Variants in L3MBTL2 observed in about 807,000 individuals in gnomAD.
L3MBTL2 encodes L3MBTL histone methyl-lysine binding protein 2, also known as lethal(3)malignant brain tumor-like protein 2.
Under a neutral mutation model 86.4 loss-of-function variants are expected in L3MBTL2, and 49 were observed. The observed-to-expected ratio is 0.57, with a 90% CI of 0.45 to 0.72. The LOEUF is 0.72. Ranked by LOEUF, L3MBTL2 falls within the 30% of genes least tolerant of loss-of-function variation. The probability of loss-of-function intolerance (pLI) is 0.00; values close to 1 mark genes in which losing one functional copy is unlikely to be tolerated. For missense variants in L3MBTL2, 755 were observed against 923.7 expected (o/e 0.82, Z 2.37); for synonymous variants, 336 against 350.6 (o/e 0.96, Z 0.47).
At position 41,210,490 on chromosome 22, in the gene L3MBTL2, C is replaced by T. The variant is rs540308544; in HGVS notation, c.262+557C>T. ...GACTACAGGCGCCCGCCATGACGCC[C>T]GGCTAATTTTTTGTATTTTTAGGAG... On this transcript the variant is annotated intron_variant, in intron 2 of 16. Transcript: ENST00000216237. Among the ~76,000 whole-genome samples the T allele has an allele frequency of 1.8e-4, 27 of 152,276 alleles. 1 individual carries two copies. Among genetic ancestry groups the T allele is most frequent in the Admixed American group, 1.3e-3 (20 of 15,288 alleles).
intron 5 of L3MBTL2, chr22:41,218,135 C>G (rs1352977896): frequency 6.6e-6 from 1 of 152,218 alleles, no homozygotes; most frequent in Non-Finnish European, 1.5e-5. Flanking sequence ...CAACTGTGTC[C>G]GGGTTCTGTG....
At chr22:41,228,049 C>T in intron 15 of L3MBTL2, 180 bp downstream of exon 15, 1 of 985,408 alleles carries the variant, frequency 1.0e-6, no homozygotes, top group Non-Finnish European at 1.2e-6. Context: ...ACGGGCCTTT[C>T]ACCCTGTCTC....
chr22:41,227,826 C>T lies in L3MBTL2; in HGVS notation c.1845C>T (p.Ala615=). The part of the protein sequence containing the change: ...VAAEPATPLK[A]KEATKKKKKQ... ...CAGAACCGGCCACACCGCTGAAGGC[C>T]AAAGAGGCCACAAAGAAGAAAAAGA... Residue 615 remains alanine, a synonymous_variant, in exon 15 of 17, where the codon GCC becomes GCT. Coordinates refer to ENST00000216237, the MANE Select transcript of L3MBTL2 (RefSeq NM_031488.5). The surrounding 1 kb of genome is among the most constrained non-coding windows in gnomAD (Gnocchi z 6.0). 2 of 1,613,174 alleles carry T rather than the reference C, an allele frequency of 1.2e-6. No homozygotes were observed. The highest frequency in any genetic ancestry group is 8.5e-7 in the Non-Finnish European group (1 of 1,179,498).
intron 1 of L3MBTL2, among the ~76,000 whole-genome samples, chr22:41,206,613 A>G (rs1004176522): frequency 1.3e-5 from 2 of 152,064 alleles, no homozygotes; most frequent in African/African-American, 4.8e-5. Flanking sequence ...CCTGGCTAAC[A>G]TGGTGAAACC....
intron 16 of L3MBTL2, 50 bp from the exon 17 acceptor site, chr22:41,230,089 C>CCCCCCCCCCTCCTT: frequency 1.1e-6 from 1 of 873,242 alleles, no homozygotes. Context: ...GCCCCCACCC[C>CCCCCCCCCCTCCTT]TCCCAGAGTT....
At chr22:41,216,297 C>T (rs373234786) in intron 4 of L3MBTL2, 35 bp downstream of exon 4, 16 of 1,599,998 alleles carry the variant, frequency 1.0e-5, no homozygotes, top group Non-Finnish European at 1.2e-5. Context: ...AGGAAGCTGC[C>T]GTGGCTGGGG....
chr22:41,224,502 G>A lies in L3MBTL2; in HGVS notation c.1175-223G>A, dbSNP rs954835063. Among the ~76,000 whole-genome samples the A allele has an allele frequency of 6.6e-6, 1 of 152,212 alleles. No homozygotes were observed. The highest frequency in any genetic ancestry group is 2.4e-5 in the African/African-American group (1 of 41,450). The stretch of plus-strand genomic sequence containing the variant: ...CCTCTCCCCTGTCAATGCGGGAGCA[G>A]TCTGGGTTTCGAGGGCTGAAGAGTC... On this transcript the variant is annotated intron_variant, in intron 9 of 16. Coordinates refer to ENST00000216237, the MANE Select transcript of L3MBTL2 (RefSeq NM_031488.5). This position sits in a 1 kb window ranked among gnomAD's most constrained non-coding sequence, Gnocchi z 4.9.
In L3MBTL2 at chr22:41,227,349, G is replaced by A; in HGVS notation, c.1822+26G>A. On this transcript the variant is annotated intron_variant, in intron 14 of 16. Transcript: ENST00000216237. This position sits in a 1 kb window ranked among gnomAD's most constrained non-coding sequence, Gnocchi z 6.0. ...GTGTGGGCTCTCGTGGCCCTAAGAG[G>A]CTCTGACTTTCTTTCCTCTTCTTTT... is the stretch of plus-strand genomic sequence containing the variant. 3 of 1,552,132 alleles carry A rather than the reference G, an allele frequency of 1.9e-6. No individual in the cohort carries two copies. Among genetic ancestry groups the A allele is most frequent in the Non-Finnish European group, 8.7e-7 (1 of 1,143,416 alleles).
chr22:41,221,119 C>T, intron 7 of L3MBTL2, 80 bp from the exon 8 acceptor site: 1 of 1,330,950 alleles, frequency 7.5e-7, no homozygotes, highest in East Asian at 2.5e-5. Flanking sequence ...GAGGGGTCCC[C>T]ACTCTGGGTC....
At chr22:41,207,621 C>T (rs2030338962) in intron 1 of L3MBTL2, among the ~76,000 whole-genome samples, 1 of 152,114 alleles carries the variant, frequency 6.6e-6, no homozygotes, top group African/African-American at 2.4e-5. Flanking sequence ...AGCGAGTAAG[C>T]ACTAGAGATA....
At position 41,224,313 on chromosome 22, in the gene L3MBTL2, C is replaced by T; in HGVS notation, c.1174+62C>T. The T allele has an allele frequency of 7.5e-7, 1 of 1,337,020 alleles. No individual in the cohort carries two copies. Among genetic ancestry groups the T allele is most frequent in the Non-Finnish European group, 1.1e-6 (1 of 948,870 alleles). 82.8% of individuals were successfully genotyped at this position (1,337,020 alleles called of 1,614,324 possible). A position where few individuals can be genotyped will look rare whatever the true frequency, so the allele number is the denominator to read the frequency against. ...TGCTTCCCCAGGGACGGAGTGGGAG[C>T]ACCTTCCTACTCGTCACAGCAGGTC... On this transcript the variant is annotated intron_variant, in intron 9 of 16. Transcript: ENST00000216237. The surrounding 1 kb of genome is among the most constrained non-coding windows in gnomAD (Gnocchi z 4.9).
intron 2 of L3MBTL2, among the ~76,000 whole-genome samples, chr22:41,211,513 G>A (rs114979669): frequency 0.01 from 1,458 of 141,672 alleles, 31 homozygotes; most frequent in African/African-American, 0.037. Flanking sequence ...CCCCAAACTC[G>A]TTAGAAGAGT....
At position 41,209,806 on chromosome 22, in the gene L3MBTL2, C is replaced by G. The variant is rs1242246161; in HGVS notation, c.135C>G (p.Ser45Arg). 2 of 1,614,178 alleles carry G rather than the reference C, an allele frequency of 1.2e-6. No homozygotes were observed. The highest frequency in any genetic ancestry group is 8.5e-7 in the Non-Finnish European group (1 of 1,180,034). The change falls in exon 2 of 17, where the codon AGC becomes AGG. Residue 45 changes from serine to arginine, a missense_variant. By Grantham distance (110) the Ser-to-Arg change is moderately radical. Around this residue, in one of 3 missense-constraint regions of L3MBTL2, gnomAD observed 103 missense variants for 105.2 expected, o/e 0.98. Coordinates refer to ENST00000216237, the MANE Select transcript of L3MBTL2 (RefSeq NM_031488.5). ...SYNSSVGSESSSYLEESSEAE... is the reference protein window; with the variant it reads ...SYNSSVGSESRSYLEESSEAE... The stretch of plus-strand genomic sequence containing the variant: ...ACAGCAGTGTGGGCAGTGAGAGCAG[C>G]TCCTATCTGGAGGAGTCAAGTGAAG...
chr22:41,207,756 C>T (rs963060783), intron 1 of L3MBTL2, among the ~76,000 whole-genome samples: 1 of 152,100 alleles, frequency 6.6e-6, no homozygotes, highest in Non-Finnish European at 1.5e-5. Flanking sequence ...TCAGTGCAGC[C>T]TTGACCTCCC....
At chr22:41,229,863 C>T (rs1847767881) in intron 16 of L3MBTL2, 2 of 849,490 alleles carry the variant, frequency 2.4e-6, no homozygotes, top group South Asian at 3.0e-5. Flanking sequence ...TCTAGCCCGG[C>T]CCCGGCCCCT....
At chr22:41,210,368 T>C (rs190958642) in intron 2 of L3MBTL2, among the ~76,000 whole-genome samples, 10 of 152,258 alleles carry the variant, frequency 6.6e-5, no homozygotes, top group Admixed American at 6.5e-4. Context: ...CTCGCTCTGT[T>C]GCCTAGGCTG....
At chr22:41,211,856 CTTTTTTTTTTTT>C (rs35869187) in intron 2 of L3MBTL2, among the ~76,000 whole-genome samples, 7 of 67,902 alleles carry the variant, frequency 1.0e-4, no homozygotes, top group South Asian at 5.2e-4. Flanking sequence ...CGCACCCGGC[CTTTTTTTTTTTT>C]TTTTTTTTTT....
At position 41,216,233 on chromosome 22, in the gene L3MBTL2, T is replaced by G. The variant is rs752257584; in HGVS notation, c.491T>G (p.Leu164Arg). The G allele has an allele frequency of 2.5e-6, 4 of 1,614,114 alleles. No individual in the cohort carries two copies. The highest frequency in any genetic ancestry group is 3.4e-6 in the Non-Finnish European group (4 of 1,179,990). ...CTCCACTCTCAAGGGACAGGACAGC[T>G]GGCAGATGGGACACCAACAGGACAA... ...AFLHSQGTGQ[L>R]ADGTPTGQDA... The change falls in exon 4 of 17, where the codon CTG (leucine) becomes CGG (arginine). Residue 164 changes from leucine (L) to arginine (R), a missense_variant. By Grantham distance (102) the Leu-to-Arg change is moderately radical (BLOSUM62 -2). Transcript: ENST00000216237.
Position 41,225,677 on chromosome 22 carries a change from C to A in L3MBTL2, c.1357-117C>A. On this transcript the variant is annotated intron_variant, in intron 11 of 16. Transcript: ENST00000216237. The surrounding 1 kb of genome is among the most constrained non-coding windows in gnomAD (Gnocchi z 4.1). ...AGGCTCAGGTGTCCTCCAGGAGGGCCATGCCCTAGATCCGTTTGGATCCAT... is the reference window on the plus strand; with the variant it reads ...AGGCTCAGGTGTCCTCCAGGAGGGCAATGCCCTAGATCCGTTTGGATCCAT... 2 of 1,062,830 alleles carry A rather than the reference C, an allele frequency of 1.9e-6. No homozygotes were observed. The highest frequency in any genetic ancestry group is 2.7e-6 in the Non-Finnish European group (2 of 745,662). 65.8% of individuals were successfully genotyped at this position (1,062,830 alleles called of 1,614,324 possible).
Sources: allele counts gnomAD v4.1 joint callset (sites outside exome capture counted in the v4.1 genomes callset), GRCh38; gene constraint gnomAD v4.1.1; regional missense constraint gnomAD v4.1.1; non-coding constraint Gnocchi (gnomAD v3.1); transcripts MANE v1.5; gene names NCBI Gene and HGNC (gene_info 2026-07-23, HGNC 2026-07-21).